KCNMA1: variants seen among roughly 807,000 people sequenced by gnomAD.
KCNMA1 encodes Calcium-activated potassium channel subunit alpha-1.
In KCNMA1, 29 loss-of-function variants were observed where a neutral mutation model predicts 140.0. That is an observed-to-expected ratio of 0.21 (90% confidence interval 0.15 to 0.28). The LOEUF (loss-of-function observed/expected upper bound fraction) is 0.28. Ranked by LOEUF, KCNMA1 falls within the 10% of genes least tolerant of loss-of-function variation. The probability of loss-of-function intolerance (pLI) is 1.00; values close to 1 mark genes in which losing one functional copy is unlikely to be tolerated. For missense variants in KCNMA1, 880 were observed against 1,602.2 expected, an observed-to-expected ratio of 0.55 and a Z score of 7.70; for synonymous variants, 612 against 611.9, an observed-to-expected ratio of 1.00 and a Z score of 0.00.
At chr10:77,217,818 C>T (rs1456858996) in intron 3 of KCNMA1, among the ~76,000 whole-genome samples, 1 of 152,124 alleles carries the variant, frequency 6.6e-6, no homozygotes, top group Admixed American at 6.5e-5. Context: ...CTCAGCCTCT[C>T]TTTTGAATTT....
rs768280008 is a variant in KCNMA1, at chr10:76,891,768, A to G, written c.3148-49T>C. 7 of 1,491,154 alleles carry G rather than the reference A, an allele frequency of 4.7e-6. No homozygotes were observed. The East Asian group carries it at 9.0e-5, about 19-fold the overall frequency. The allele number at this position is 1,491,154 out of a possible 1,614,324, so 92.4% of individuals were successfully genotyped here. A position where few individuals can be genotyped will look rare whatever the true frequency, so the allele number is the denominator to read the frequency against. On this transcript the variant is annotated intron_variant, in intron 25 of 27. Transcript: ENST00000286628. ...GAAAAGTCCTTTAAGCAAACACCCTAAAGTCATGACAGCCGACATCCAAAT... is the reference window on the plus strand; with the variant it reads ...GAAAAGTCCTTTAAGCAAACACCCTGAAGTCATGACAGCCGACATCCAAAT...
At chr10:77,423,429 A>T (rs1469504833) in intron 1 of KCNMA1, among the ~76,000 whole-genome samples, 6 of 152,214 alleles carry the variant, frequency 3.9e-5, no homozygotes, top group African/African-American at 1.4e-4. Context: ...CCCCAGTTTT[A>T]GTCATAAATT....
At position 77,361,639 on chromosome 10, in the gene KCNMA1, C is replaced by T. The variant is rs1603409824; in HGVS notation, c.540+42223G>A. Among the ~76,000 whole-genome samples, 3 of 152,258 alleles carry T rather than the reference C, an allele frequency of 2.0e-5. No individual in the cohort carries two copies. In the East Asian group the frequency reaches 5.8e-4, roughly 29 times the overall value. On this transcript the variant is annotated intron_variant, in intron 2 of 27. Transcript: ENST00000286628. ...TCCCACTCCCACTGCCGAGTCACTG[C>T]AAGGAGCAGGCGAGTGCAGGAGCAA...
intron 15 of KCNMA1, 83 bp from the exon 16 acceptor site, chr10:77,027,974 C>T: frequency 8.1e-7 from 1 of 1,237,562 alleles, no homozygotes. Context: ...ATCTTTCGGT[C>T]TCCTAATGCA....
At chr10:77,411,343 A>C (rs534763098) in intron 1 of KCNMA1, among the ~76,000 whole-genome samples, 58 of 152,202 alleles carry the variant, frequency 3.8e-4, no homozygotes, top group Admixed American at 3.3e-4. Context: ...CAGCAAATGG[A>C]AAGTCAGTTC....
At chr10:77,400,965 C>G (rs140996311) in intron 2 of KCNMA1, among the ~76,000 whole-genome samples, 1 of 151,548 alleles carries the variant, frequency 6.6e-6, no homozygotes, top group Non-Finnish European at 1.5e-5. Context: ...CAGTGCAGAC[C>G]GTGCCCCACC....
chr10:76,982,672 A>AT lies in KCNMA1; in HGVS notation c.2267-12606dup, dbSNP rs549982806. ...CATTCCAAATGATAGAATTTGCACA[A>AT]TATTTAGTAATAATCTGAAGCCTCT... On this transcript the variant is annotated intron_variant, in intron 19 of 27. Coordinates refer to ENST00000286628, the MANE Select transcript of KCNMA1 (RefSeq NM_001161352.2). 3.3e-3 allele frequency among the ~76,000 whole-genome samples: 509 copies of AT among 152,242 alleles called. 4 individuals are homozygous for AT. The highest frequency in any genetic ancestry group is 3.9e-3 in the Non-Finnish European group (267 of 68,004).
chr10:77,293,472 A>C (rs980588251), intron 2 of KCNMA1, among the ~76,000 whole-genome samples: 5 of 152,206 alleles, frequency 3.3e-5, no homozygotes, highest in Non-Finnish European at 7.3e-5. Flanking sequence ...ATTCATGTGC[A>C]TGACAGCCCT....
At chr10:77,460,618 A>G (rs2097848637) in intron 1 of KCNMA1, among the ~76,000 whole-genome samples, 1 of 152,166 alleles carries the variant, frequency 6.6e-6, no homozygotes, top group Non-Finnish European at 1.5e-5. Context: ...TTGCAGCAAC[A>G]CAGAGGGAAC....
At chr10:76,959,452 T>A (rs2069974503) in intron 20 of KCNMA1, among the ~76,000 whole-genome samples, 1 of 152,222 alleles carries the variant, frequency 6.6e-6, no homozygotes, top group African/African-American at 2.4e-5. Context: ...TCTTCATCTG[T>A]AAAATGGGAA....
intron 2 of KCNMA1, among the ~76,000 whole-genome samples, chr10:77,305,501 T>C (rs2077481508): frequency 6.6e-6 from 1 of 152,198 alleles, no homozygotes; most frequent in Admixed American, 6.5e-5. Flanking sequence ...CTCTCTGACC[T>C]TGTGCTGTTC....
At chr10:77,545,485 C>A (rs1406580231) in intron 1 of KCNMA1, among the ~76,000 whole-genome samples, 1 of 152,144 alleles carries the variant, frequency 6.6e-6, no homozygotes, top group Non-Finnish European at 1.5e-5. Context: ...GAGGGGTTTT[C>A]TTTGGTTTAT....
intron 5 of KCNMA1, among the ~76,000 whole-genome samples, chr10:77,161,200 G>T (rs779901064): frequency 1.3e-5 from 2 of 152,178 alleles, no homozygotes; most frequent in African/African-American, 4.8e-5. Flanking sequence ...TCAGGCCAAG[G>T]TGAGAAGGAT....
chr10:77,226,939 T>C (rs1487534141), intron 3 of KCNMA1, among the ~76,000 whole-genome samples: 1 of 152,232 alleles, frequency 6.6e-6, no homozygotes, highest in African/African-American at 2.4e-5. Context: ...AAACATGTTC[T>C]TTTTGTACTT....
chr10:77,189,540 A>G (rs2098920355), intron 3 of KCNMA1, among the ~76,000 whole-genome samples: 1 of 152,148 alleles, frequency 6.6e-6, no homozygotes, highest in Non-Finnish European at 1.5e-5. Flanking sequence ...ACAGATGGGG[A>G]GGGGTTACGG....
chr10:77,063,229 A>G (rs1037105340), intron 14 of KCNMA1, among the ~76,000 whole-genome samples: 1 of 152,144 alleles, frequency 6.6e-6, no homozygotes, highest in African/African-American at 2.4e-5. Flanking sequence ...CCTGGGCAAC[A>G]TGGTGAAACC....
chr10:77,351,091 T>C (rs545948704), intron 2 of KCNMA1, among the ~76,000 whole-genome samples: 1 of 152,266 alleles, frequency 6.6e-6, no homozygotes. Context: ...CAGGGGACTT[T>C]ATCCAAAAGA....
chr10:77,252,549 G>GTGTGTC, intron 2 of KCNMA1, among the ~76,000 whole-genome samples: 1 of 151,754 alleles, frequency 6.6e-6, no homozygotes. Context: ...GTGTGTGTGT[G>GTGTGTC]TGTGTGTGCG....
rs61374890 is a variant in KCNMA1, at chr10:77,123,179, C to CAAAAAAAAAAA, written c.809-2142_809-2132dup. On this transcript the variant is annotated intron_variant, in intron 5 of 27. Coordinates refer to ENST00000286628, the MANE Select transcript of KCNMA1 (RefSeq NM_001161352.2). ...TGGGCGACAGAGCGAGACTCCGTCTCAAAAAAAAAAAAAAAAAAAAAAAAA... is the reference window on the plus strand; with the variant it reads ...TGGGCGACAGAGCGAGACTCCGTCTCAAAAAAAAAAAAAAAAAAAAAAAAAAAAAAAAAAAA... Among the ~76,000 whole-genome samples the CAAAAAAAAAAA allele has an allele frequency of 8.4e-5, 5 of 59,652 alleles. 1 individual carries two copies. The highest frequency in any genetic ancestry group is 1.1e-4 in the Non-Finnish European group (4 of 34,834). The allele number at this position is 59,652 out of a possible 152,430, so 39.1% of individuals were successfully genotyped here. A position where few individuals can be genotyped will look rare whatever the true frequency, so the allele number is the denominator to read the frequency against.
Sources: gnomAD v4.1 joint callset for allele counts (sites outside exome capture counted in the v4.1 genomes callset) on GRCh38, gnomAD v4.1.1 for gene constraint, MANE v1.5 for transcripts, NCBI Gene and HGNC (gene_info 2026-07-23, HGNC 2026-07-21) for gene names.